SLC30A8: variants seen among roughly 807,000 people sequenced by gnomAD.
SLC30A8 encodes proton-coupled zinc antiporter SLC30A8.
SLC30A8 carries 27 observed loss-of-function variants against 36.9 expected under a neutral mutation model. That is an observed-to-expected ratio of 0.73 (90% CI 0.54 to 1.01). The LOEUF is 1.01. SLC30A8 is among the 50% of genes least tolerant of loss of function. The pLI is 0.00. For missense variants in SLC30A8, 439 were observed against 452.0 expected (o/e 0.97, Z 0.26); for synonymous variants, 164 against 172.4 (o/e 0.95, Z 0.38).
chr8:117,047,041 A>C (rs1423523096), intron 2 of SLC30A8, among the ~76,000 whole-genome samples: 1 of 152,186 alleles, frequency 6.6e-6, no homozygotes, highest in East Asian at 1.9e-4. Flanking sequence ...CTTTTGGCTC[A>C]GGTGACCACC....
intron 1 of SLC30A8, among the ~76,000 whole-genome samples, chr8:117,009,884 C>T (rs1291318141): frequency 6.6e-6 from 1 of 152,158 alleles, no homozygotes; most frequent in East Asian, 1.9e-4. Flanking sequence ...TTGGAAATTG[C>T]TCATTTTTAA....
intron 1 of SLC30A8, among the ~76,000 whole-genome samples, 184 bp downstream of exon 1, chr8:117,135,582 T>G (rs1447987482): frequency 6.6e-6 from 1 of 152,016 alleles, no homozygotes; most frequent in East Asian, 1.9e-4. Context: ...ATAGTTGATT[T>G]GATTCCTTAA....
At chr8:117,025,999 A>C (rs965350012) in intron 1 of SLC30A8, among the ~76,000 whole-genome samples, 1 of 152,116 alleles carries the variant, frequency 6.6e-6, no homozygotes, top group African/African-American at 2.4e-5. Flanking sequence ...GTGATGGTGC[A>C]TTTGTTCGTA....
In SLC30A8 at chr8:116,979,713, C is replaced by T. The variant is rs772308052; in HGVS notation, c.-266+28594C>T. On this transcript the variant is annotated intron_variant, in intron 1 of 10. Coordinates refer to the SLC30A8 transcript ENST00000427715. ...TGGATTCTTCATGTACTCACTTGTCCCGGGAGAGGTGAGCTTCCCCTAAGA... is the reference window on the plus strand; with the variant it reads ...TGGATTCTTCATGTACTCACTTGTCTCGGGAGAGGTGAGCTTCCCCTAAGA... 8.7e-4 allele frequency among the ~76,000 whole-genome samples: 133 copies of T among 152,120 alleles called. 1 individual carries two copies. Among genetic ancestry groups the T allele is most frequent in the Admixed American group, 3.9e-4 (6 of 15,276 alleles).
At chr8:117,106,100 A>G (rs924921) in intron 2 of SLC30A8, among the ~76,000 whole-genome samples, 25,377 of 152,074 alleles carry the variant, frequency 0.17, 2,218 homozygotes, top group East Asian at 0.21. Context: ...AAACATTTGT[A>G]GAAGGCCACC....
chr8:117,121,600 T>G (rs937718971), intron 2 of SLC30A8, among the ~76,000 whole-genome samples: 1 of 151,916 alleles, frequency 6.6e-6, no homozygotes, highest in African/African-American at 2.4e-5. Context: ...CTCCCAAAGA[T>G]GCCACCTCCT....
At chr8:117,095,580 T>C (rs1819326320) in intron 2 of SLC30A8, among the ~76,000 whole-genome samples, 1 of 152,170 alleles carries the variant, frequency 6.6e-6, no homozygotes, top group Non-Finnish European at 1.5e-5. Flanking sequence ...AATCACAAAG[T>C]GAATTAAACA....
Position 117,010,912 on chromosome 8 carries a change from C to T in SLC30A8, c.-265-28307C>T, listed in dbSNP as rs1586394150. On this transcript the variant is annotated intron_variant, in intron 1 of 10. Coordinates refer to the SLC30A8 transcript ENST00000427715. ...ACAACACCAGGCGGATGGTGCTAAACCATTAGAAACTGCCCCCGTGATCCA... is the reference window on the plus strand; with the variant it reads ...ACAACACCAGGCGGATGGTGCTAAATCATTAGAAACTGCCCCCGTGATCCA... Among the ~76,000 whole-genome samples, 5 of 152,256 alleles carry T rather than the reference C, an allele frequency of 3.3e-5. No homozygotes were observed. The East Asian group carries it at 9.7e-4, about 29-fold the overall frequency.
intron 2 of SLC30A8, among the ~76,000 whole-genome samples, chr8:117,041,463 G>T (rs150412786): frequency 1.4e-4 from 22 of 152,184 alleles, no homozygotes; most frequent in Non-Finnish European, 2.4e-4. Context: ...CAAGGCGGGT[G>T]GATAGCCTGA....
intron 2 of SLC30A8, among the ~76,000 whole-genome samples, chr8:117,107,999 A>G (rs887488636): frequency 3.3e-5 from 5 of 152,266 alleles, no homozygotes; most frequent in African/African-American, 9.6e-5. Flanking sequence ...AAGGTCCCCA[A>G]TTTTTTAGGG....
intron 1 of SLC30A8, among the ~76,000 whole-genome samples, chr8:116,956,755 A>G (rs2130581527): frequency 6.6e-6 from 1 of 152,352 alleles, no homozygotes; most frequent in Non-Finnish European, 1.5e-5. Flanking sequence ...TGAAACTTGA[A>G]TTAAGTAATC....
intron 2 of SLC30A8, among the ~76,000 whole-genome samples, chr8:117,093,857 G>A (rs1427468569): frequency 6.6e-6 from 1 of 152,176 alleles, no homozygotes; most frequent in Non-Finnish European, 1.5e-5. Flanking sequence ...GGAAAACCAG[G>A]TGCAAAGTGG....
At chr8:117,050,639 C>G (rs945528539) in intron 2 of SLC30A8, among the ~76,000 whole-genome samples, 1 of 152,132 alleles carries the variant, frequency 6.6e-6, no homozygotes, top group Non-Finnish European at 1.5e-5. Flanking sequence ...TCCTGAACCT[C>G]AGGTGATCCG....
intron 2 of SLC30A8, among the ~76,000 whole-genome samples, chr8:117,114,218 A>G (rs549012114): frequency 2.6e-5 from 4 of 152,186 alleles, no homozygotes; most frequent in South Asian, 4.1e-4. Context: ...GCTTGTCTAC[A>G]TTTAGGAATA....
At chr8:116,973,587 C>G (rs1329760366) in intron 1 of SLC30A8, among the ~76,000 whole-genome samples, 1 of 152,124 alleles carries the variant, frequency 6.6e-6, no homozygotes, top group Non-Finnish European at 1.5e-5. Context: ...TAGGAAGAAT[C>G]AATATTGTGA....
chr8:117,110,135 C>G (rs965730863), intron 2 of SLC30A8, among the ~76,000 whole-genome samples: 1 of 152,154 alleles, frequency 6.6e-6, no homozygotes, highest in Non-Finnish European at 1.5e-5. Context: ...AAAAAACCCT[C>G]CATAAGAAAA....
intron 2 of SLC30A8, among the ~76,000 whole-genome samples, chr8:117,115,978 C>T (rs192922004): frequency 2.0e-5 from 3 of 151,914 alleles, no homozygotes; most frequent in East Asian, 1.9e-4. Flanking sequence ...GTTGGTTGTG[C>T]GTTTATATTA....
chr8:117,084,270 C>T (rs1470772901), intron 2 of SLC30A8, among the ~76,000 whole-genome samples: 1 of 152,114 alleles, frequency 6.6e-6, no homozygotes, highest in African/African-American at 2.4e-5. Context: ...GTCTGCCAGT[C>T]AGAATTTCTT....
chr8:117,048,901 G>A (rs889782678), intron 2 of SLC30A8, among the ~76,000 whole-genome samples: 1 of 152,146 alleles, frequency 6.6e-6, no homozygotes, highest in African/African-American at 2.4e-5. Flanking sequence ...GTAAGCATGA[G>A]CACAGCAGGA....
Sources: gnomAD v4.1 joint callset for allele counts (sites outside exome capture counted in the v4.1 genomes callset) on GRCh38, gnomAD v4.1.1 for gene constraint, MANE v1.5 for transcripts, NCBI Gene and HGNC (gene_info 2026-07-23, HGNC 2026-07-21) for gene names.